Variants in RPH3A observed in about 807,000 individuals in gnomAD.
RPH3A encodes rabphilin 3A.
A neutral mutation model predicts 102.2 loss-of-function variants in RPH3A; 48 were observed. That is an observed-to-expected ratio of 0.47 (90% CI 0.37 to 0.60). RPH3A has a LOEUF of 0.60. Ranked by LOEUF, RPH3A falls within the 20% of genes least tolerant of loss-of-function variation. RPH3A has a pLI of 0.00. For synonymous variants in RPH3A, 310 were observed against 324.3 expected (o/e 0.96, Z 0.47); for missense variants, 781 against 910.1 (o/e 0.86, Z 1.83).
intron 2 of RPH3A, among the ~76,000 whole-genome samples, chr12:112,823,353 G>A (rs2041813022): frequency 6.6e-6 from 1 of 152,228 alleles, no homozygotes; most frequent in Non-Finnish European, 1.5e-5. Context: ...TAGCCACCCT[G>A]AGCCTGAATT....
At chr12:112,888,021 T>C (rs1439463059) in intron 17 of RPH3A, 98 bp downstream of exon 17, 2 of 1,413,780 alleles carry the variant, frequency 1.4e-6, no homozygotes, top group Non-Finnish European at 1.9e-6. Flanking sequence ...CCACGGGGTA[T>C]TGGGTAGCAG....
intron 1 of RPH3A, among the ~76,000 whole-genome samples, chr12:112,705,084 C>T (rs929431995): frequency 4.0e-4 from 61 of 152,106 alleles, no homozygotes; most frequent in African/African-American, 1.4e-3. Context: ...TGTTATCTTA[C>T]CATGGGAGTT....
intron 1 of RPH3A, among the ~76,000 whole-genome samples, chr12:112,591,837 G>A (rs903288691): frequency 6.6e-6 from 1 of 152,078 alleles, no homozygotes; most frequent in Non-Finnish European, 1.5e-5. Context: ...GCTACATTCT[G>A]AAGTCTTAAT....
chr12:112,667,944 C>T (rs2040099610), intron 1 of RPH3A, among the ~76,000 whole-genome samples: 1 of 152,268 alleles, frequency 6.6e-6, no homozygotes. Flanking sequence ...ATGGCAAGTT[C>T]TCCCCTTCTG....
chr12:112,834,111 T>C (rs1410789492), intron 3 of RPH3A, among the ~76,000 whole-genome samples: 1 of 152,228 alleles, frequency 6.6e-6, no homozygotes, highest in African/African-American at 2.4e-5. Context: ...TTTGTTACCC[T>C]TTATAGTTCC....
intron 1 of RPH3A, among the ~76,000 whole-genome samples, chr12:112,767,106 G>A (rs945920985): frequency 3.3e-5 from 5 of 152,208 alleles, no homozygotes; most frequent in Admixed American, 6.5e-5. Flanking sequence ...CTCATGCAAA[G>A]ATGGCAAAGA....
At chr12:112,862,924 C>T (rs956996183) in intron 5 of RPH3A, among the ~76,000 whole-genome samples, 6 of 152,160 alleles carry the variant, frequency 3.9e-5, no homozygotes, top group African/African-American at 1.2e-4. Flanking sequence ...TCCCTCCCAT[C>T]GGCTCTCCCC....
At chr12:112,765,310 T>C (rs1370286042) in intron 1 of RPH3A, among the ~76,000 whole-genome samples, 1 of 150,844 alleles carries the variant, frequency 6.6e-6, no homozygotes. Context: ...ATGCCCAAAT[T>C]CCAGTTTTCC....
At chr12:112,585,178 T>C (rs954575978) in intron 1 of RPH3A, among the ~76,000 whole-genome samples, 1 of 152,118 alleles carries the variant, frequency 6.6e-6, no homozygotes, top group African/African-American at 2.4e-5. Context: ...TCTGCCTGCT[T>C]TTATCCTAGC....
intron 1 of RPH3A, among the ~76,000 whole-genome samples, chr12:112,642,902 G>A (rs2039901005): frequency 6.6e-6 from 1 of 152,170 alleles, no homozygotes; most frequent in South Asian, 2.1e-4. Flanking sequence ...GGCAAGGTCT[G>A]GAGATACTTT....
chr12:112,629,088 C>A (rs1456278951), intron 1 of RPH3A, among the ~76,000 whole-genome samples: 1 of 152,162 alleles, frequency 6.6e-6, no homozygotes, highest in Non-Finnish European at 1.5e-5. Flanking sequence ...ACAGACCCAT[C>A]TGCATCTAGC....
chr12:112,881,313 G>A (rs1445612316), intron 14 of RPH3A, among the ~76,000 whole-genome samples: 2 of 152,202 alleles, frequency 1.3e-5, no homozygotes, highest in Admixed American at 1.3e-4. Flanking sequence ...AGAGAATGCA[G>A]GGGTCAGGGC....
In RPH3A at chr12:112,896,768, G is replaced by A; in HGVS notation, c.2073G>A (p.Val691=). 1 of 1,614,070 alleles carries A rather than the reference G, an allele frequency of 6.2e-7. No homozygotes were observed. The highest frequency in any genetic ancestry group is 8.5e-7 in the Non-Finnish European group (1 of 1,179,988). The change falls in exon 22 of 22, where the codon GTG becomes GTA. Residue 691 remains valine (V), a synonymous_variant. Coordinates refer to ENST00000389385, the MANE Select transcript of RPH3A (RefSeq NM_001143854.2). ...ACCAGCTACAGAATGAGAACCACGT[G>A]TCAAGTGATTAGGCTAGTGCCCAGG... The part of the protein sequence containing the change: ...RWHQLQNENH[V]SSD
intron 5 of RPH3A, among the ~76,000 whole-genome samples, chr12:112,857,147 C>G (rs950801997): frequency 1.3e-5 from 2 of 152,058 alleles, no homozygotes; most frequent in African/African-American, 4.8e-5. Flanking sequence ...GTGACCGGAA[C>G]CTCACAGGGT....
chr12:112,890,209 C>A, intron 18 of RPH3A, 129 bp downstream of exon 18: 2 of 819,016 alleles, frequency 2.4e-6, no homozygotes, highest in South Asian at 1.5e-5. Flanking sequence ...GTTGATTTGC[C>A]TTGAGAACAA....
intron 1 of RPH3A, among the ~76,000 whole-genome samples, chr12:112,777,570 A>G (rs908762406): frequency 4.6e-5 from 7 of 152,158 alleles, no homozygotes; most frequent in Non-Finnish European, 8.8e-5. Flanking sequence ...AGATGGAGAT[A>G]CCTCTGAAGT....
chr12:112,718,649 A>G (rs2040530265), intron 1 of RPH3A, among the ~76,000 whole-genome samples: 1 of 152,162 alleles, frequency 6.6e-6, no homozygotes, highest in African/African-American at 2.4e-5. Context: ...TCTACTGGCC[A>G]TGTTGGGGCA....
rs776904216 is a variant in RPH3A, at chr12:112,881,851, C to A, written c.1326+5C>A. 1 of 1,610,442 alleles carries A rather than the reference C, an allele frequency of 6.2e-7. No homozygotes were observed. The highest frequency in any genetic ancestry group is 8.5e-7 in the Non-Finnish European group (1 of 1,177,638). On this transcript the variant is annotated splice_donor_5th_base_variant and intron_variant, in intron 15 of 21. Transcript: ENST00000389385. Reference sequence around the variant, plus strand: ...CTCCTGCCGGGAGCCAGCAAGGTACCATATGGCCTGGGCTTCTCTGCAAAC... The same window carrying A: ...CTCCTGCCGGGAGCCAGCAAGGTACAATATGGCCTGGGCTTCTCTGCAAAC...
At chr12:112,677,693 C>T (rs2040191746) in intron 1 of RPH3A, among the ~76,000 whole-genome samples, 1 of 151,664 alleles carries the variant, frequency 6.6e-6, no homozygotes, top group Non-Finnish European at 1.5e-5. Flanking sequence ...AAAATGAATC[C>T]CCACCTCACA....
Sources: allele counts gnomAD v4.1 joint callset (sites outside exome capture counted in the v4.1 genomes callset), GRCh38; gene constraint gnomAD v4.1.1; transcripts MANE v1.5; gene names NCBI Gene and HGNC (gene_info 2026-07-23, HGNC 2026-07-21).